The following MTUS2 variants were observed in gnomAD, a reference collection of about 807,000 sequenced individuals.
The protein encoded by MTUS2 is microtubule-associated tumor suppressor candidate 2.
MTUS2 carries 40 observed loss-of-function variants against 114.1 expected under a neutral mutation model. That is an observed-to-expected ratio of 0.35 (90% CI 0.27 to 0.46). The LOEUF (loss-of-function observed/expected upper bound fraction) is 0.46, where lower values mean the gene tolerates loss of function less well. Ranked by LOEUF, MTUS2 falls within the 20% of genes least tolerant of loss-of-function variation. MTUS2 has a pLI of 1.00. For synonymous variants in MTUS2, 688 were observed against 672.0 expected (o/e 1.02, Z -0.37); for missense variants, 1,679 against 1,705.4 (o/e 0.98, Z 0.27).
intron 6 of MTUS2, among the ~76,000 whole-genome samples, chr13:29,321,651 G>A (rs1159833381): frequency 6.6e-6 from 1 of 152,136 alleles, no homozygotes; most frequent in Non-Finnish European, 1.5e-5. Context: ...ATTTTCATTA[G>A]TGGTTTGGTT....
chr13:29,037,791 A>T (rs773310753), intron 4 of MTUS2, among the ~76,000 whole-genome samples: 7 of 151,912 alleles, frequency 4.6e-5, no homozygotes, highest in Non-Finnish European at 1.0e-4. Flanking sequence ...CCTTTCTTCC[A>T]CTTGATCGAT....
intron 4 of MTUS2, among the ~76,000 whole-genome samples, chr13:29,056,932 T>C (rs191265): frequency 0.36 from 55,080 of 151,806 alleles, 10,143 homozygotes; most frequent in Admixed American, 0.4. Flanking sequence ...TTCCAACTTT[T>C]ATGTGGGTCT....
At chr13:29,220,803 G>A (rs1473838347) in intron 5 of MTUS2, among the ~76,000 whole-genome samples, 1 of 152,164 alleles carries the variant, frequency 6.6e-6, no homozygotes, top group Admixed American at 6.5e-5. Flanking sequence ...TGTGTTGTTG[G>A]AAAAATGGCA....
intron 8 of MTUS2, among the ~76,000 whole-genome samples, chr13:29,408,379 A>G (rs1261055932): frequency 6.6e-6 from 1 of 152,184 alleles, no homozygotes; most frequent in Non-Finnish European, 1.5e-5. Flanking sequence ...GCCATGGTAC[A>G]ATCATAGCTC....
chr13:29,269,962 C>T (rs1403805301), intron 5 of MTUS2, among the ~76,000 whole-genome samples: 2 of 152,098 alleles, frequency 1.3e-5, no homozygotes, highest in Non-Finnish European at 2.9e-5. Flanking sequence ...CACAGAAGCA[C>T]AGATACTGTG....
At chr13:29,100,102 T>G (rs1175090099) in intron 4 of MTUS2, among the ~76,000 whole-genome samples, 5 of 152,200 alleles carry the variant, frequency 3.3e-5, no homozygotes, top group Non-Finnish European at 7.3e-5. Flanking sequence ...CAGTAATATT[T>G]ATACTAGATT....
chr13:29,387,024 T>C (rs1024442515), intron 8 of MTUS2, among the ~76,000 whole-genome samples: 2 of 152,192 alleles, frequency 1.3e-5, no homozygotes, highest in Admixed American at 1.3e-4. Context: ...ATTCCACAGA[T>C]CTTTACTTAG....
chr13:28,841,931 C>A (rs538141644), intron 2 of MTUS2, among the ~76,000 whole-genome samples: 1 of 152,172 alleles, frequency 6.6e-6, no homozygotes, highest in African/African-American at 2.4e-5. Context: ...ATGATCTGCC[C>A]GCCTTGGCCT....
intron 8 of MTUS2, among the ~76,000 whole-genome samples, chr13:29,393,807 G>A (rs954255477): frequency 2.0e-5 from 3 of 152,176 alleles, no homozygotes; most frequent in African/African-American, 4.8e-5. Context: ...AATGTAAGAT[G>A]AACATTGGTT....
chr13:28,856,761 T>G (rs529574280), intron 2 of MTUS2, among the ~76,000 whole-genome samples: 7 of 152,322 alleles, frequency 4.6e-5, no homozygotes, highest in African/African-American at 1.7e-4. Flanking sequence ...CTACTTTTCA[T>G]TGGCTGTAGA....
chr13:28,827,335 G>A (rs773381998), intron 1 of MTUS2, among the ~76,000 whole-genome samples: 6 of 152,032 alleles, frequency 3.9e-5, no homozygotes, highest in Non-Finnish European at 7.4e-5. Flanking sequence ...AGTTTAACTG[G>A]CAGGTAGTAA....
intron 6 of MTUS2, among the ~76,000 whole-genome samples, chr13:29,314,814 T>C (rs952020599): frequency 7.2e-5 from 11 of 152,224 alleles, no homozygotes; most frequent in African/African-American, 2.4e-4. Flanking sequence ...CTAGCAGTTC[T>C]ACTACTGGGT....
intron 2 of MTUS2, among the ~76,000 whole-genome samples, chr13:28,995,729 T>G (rs1885070996): frequency 6.6e-6 from 1 of 152,200 alleles, no homozygotes; most frequent in Non-Finnish European, 1.5e-5. Flanking sequence ...ATGCTTGTAA[T>G]TTTTGCACAT....
At chr13:29,168,541 G>C (rs1256022093) in intron 5 of MTUS2, among the ~76,000 whole-genome samples, 1 of 152,066 alleles carries the variant, frequency 6.6e-6, no homozygotes, top group Non-Finnish European at 1.5e-5. Context: ...AGCAAAGGTC[G>C]GCATTCACAA....
chr13:29,460,432 A>G (rs1879401393), intron 9 of MTUS2, among the ~76,000 whole-genome samples: 1 of 151,922 alleles, frequency 6.6e-6, no homozygotes, highest in African/African-American at 2.4e-5. Flanking sequence ...GGCATCAGCA[A>G]CTTGTTCTTG....
chr13:29,407,290 A>G (rs1874833557), intron 8 of MTUS2, among the ~76,000 whole-genome samples: 1 of 152,090 alleles, frequency 6.6e-6, no homozygotes, highest in African/African-American at 2.4e-5. Context: ...GGTTTTCACT[A>G]TTAAAAATGA....
At chr13:29,333,328 G>C (rs1053829697) in intron 7 of MTUS2, among the ~76,000 whole-genome samples, 1 of 152,100 alleles carries the variant, frequency 6.6e-6, no homozygotes, top group Non-Finnish European at 1.5e-5. Context: ...CTCCCAAGTA[G>C]TGGGGATTAT....
chr13:29,303,428 G>A (rs1899297371), intron 6 of MTUS2, among the ~76,000 whole-genome samples: 1 of 152,178 alleles, frequency 6.6e-6, no homozygotes, highest in African/African-American at 2.4e-5. Flanking sequence ...CTGATAGCTA[G>A]AATAGCCAGT....
At chr13:29,182,964 C>T (rs139688569) in intron 5 of MTUS2, among the ~76,000 whole-genome samples, 8 of 152,074 alleles carry the variant, frequency 5.3e-5, no homozygotes, top group South Asian at 2.1e-4. Flanking sequence ...TGACAGATGA[C>T]GAGGAGGAAC....
Sources: allele counts gnomAD v4.1 joint callset (sites outside exome capture counted in the v4.1 genomes callset), GRCh38; gene constraint gnomAD v4.1.1; transcripts MANE v1.5; gene names NCBI Gene and HGNC (gene_info 2026-07-23, HGNC 2026-07-21).